SCIMP: variants seen among roughly 807,000 people sequenced by gnomAD.
SCIMP encodes the protein SLP adaptor and CSK interacting membrane protein, also known as SLP adapter and CSK-interacting membrane protein.
Under a neutral mutation model 22.0 loss-of-function variants are expected in SCIMP, and 18 were observed. The ratio of observed to expected loss-of-function variants is 0.82; its 90% confidence interval spans 0.56 to 1.21. The LOEUF (loss-of-function observed/expected upper bound fraction) is 1.21. Among genes scored for constraint, SCIMP ranks in the 50% most tolerant of loss-of-function variants. The probability of loss-of-function intolerance (pLI) is 0.00; values close to 1 mark genes in which losing one functional copy is unlikely to be tolerated. For missense variants in SCIMP, 155 were observed against 171.2 expected, an observed-to-expected ratio of 0.91 and a Z score of 0.53; for synonymous variants, 53 against 62.2, an observed-to-expected ratio of 0.85 and a Z score of 0.70.
chr17:5,219,348 C>T (rs543257203), intron 3 of SCIMP, among the ~76,000 whole-genome samples: 25 of 149,848 alleles, frequency 1.7e-4, no homozygotes, highest in East Asian at 2.0e-4. Flanking sequence ...TCTTTGAGGC[C>T]GGGCATGGTG....
At chr17:5,219,478 A>C (rs544131971) in intron 3 of SCIMP, among the ~76,000 whole-genome samples, 1 of 151,560 alleles carries the variant, frequency 6.6e-6, no homozygotes, top group South Asian at 2.1e-4. Flanking sequence ...AAATACAAAA[A>C]TTAGCTGGGC....
intron 2 of SCIMP, among the ~76,000 whole-genome samples, chr17:5,222,563 G>A (rs2074616437): frequency 6.6e-6 from 1 of 152,180 alleles, no homozygotes; most frequent in South Asian, 2.1e-4. Flanking sequence ...TTCTGGTCTA[G>A]GTAATACCAG....
At chr17:5,225,006 G>A (rs2074636247) in intron 1 of SCIMP, among the ~76,000 whole-genome samples, 3 of 152,216 alleles carry the variant, frequency 2.0e-5, no homozygotes, top group Admixed American at 6.5e-5. Context: ...TAGCAGCAGA[G>A]TGAGAGGTCA....
intron 3 of SCIMP, 191 bp downstream of exon 3, chr17:5,221,096 G>A (rs1234847330): frequency 1.4e-6 from 1 of 690,070 alleles, no homozygotes; most frequent in Admixed American, 2.1e-5. Context: ...AGAGGAGGGA[G>A]GACTTGCCCT....
intron 2 of SCIMP, 95 bp downstream of exon 2, chr17:5,223,238 A>G: frequency 7.4e-7 from 1 of 1,357,754 alleles, no homozygotes; most frequent in Non-Finnish European, 1.0e-6. Flanking sequence ...CAGCTCATTC[A>G]GGCCCAGGAT....
At chr17:5,230,474 G>C (rs1567844292) in intron 1 of SCIMP, among the ~76,000 whole-genome samples, 2 of 152,160 alleles carry the variant, frequency 1.3e-5, no homozygotes, top group Non-Finnish European at 2.9e-5. Flanking sequence ...TTGGAGTTCT[G>C]GGAGGGAAGG....
At chr17:5,213,091 T>C in intron 4 of SCIMP, 1 of 957,892 alleles carries the variant, frequency 1.0e-6, no homozygotes. Flanking sequence ...AACATTCCAG[T>C]CAAAGGAACC....
chr17:5,220,432 CAAAAA>C (rs908309110), intron 3 of SCIMP, among the ~76,000 whole-genome samples: 1 of 63,698 alleles, frequency 1.6e-5, no homozygotes, highest in Non-Finnish European at 3.2e-5. Flanking sequence ...ACCCCATCTC[CAAAAA>C]AAAAAAAAAA....
chr17:5,219,204 A>G (rs1400194446), intron 3 of SCIMP, among the ~76,000 whole-genome samples: 1 of 152,122 alleles, frequency 6.6e-6, no homozygotes, highest in Admixed American at 6.6e-5. Context: ...CTGTAATCCC[A>G]GCTATTCAGG....
intron 4 of SCIMP, 73 bp downstream of exon 4, chr17:5,214,838 TAAAAAAAAAAAAAA>T: frequency 4.4e-6 from 2 of 452,734 alleles, no homozygotes; most frequent in Non-Finnish European, 7.8e-6. Context: ...AGACTCCATC[TAAAAAAAAAAAAAA>T]AAAAAAAAAA....
intron 1 of SCIMP, among the ~76,000 whole-genome samples, chr17:5,229,806 AG>A (rs2074679822): frequency 6.6e-6 from 1 of 151,844 alleles, no homozygotes; most frequent in Non-Finnish European, 1.5e-5. Flanking sequence ...CTGGCCATCA[AG>A]GGAACAAGTT....
intron 1 of SCIMP, among the ~76,000 whole-genome samples, chr17:5,228,479 A>G (rs1218620253): frequency 6.6e-6 from 1 of 151,984 alleles, no homozygotes. Context: ...CCTTGTCTCT[A>G]CAAAAAAAAT....
Position 5,223,394 on chromosome 17 carries a change from G to A in SCIMP, c.84C>T (p.Ile28=), listed in dbSNP as rs2585271. The part of the protein sequence containing the change: ...NFWIILAVAI[I]VVSVGLGLIL... ...TGAGGCCCAGACCCACAGAGACAACGATGATGGCCACAGCTAAGATGATCC... is the reference window on the plus strand; with the variant it reads ...TGAGGCCCAGACCCACAGAGACAACAATGATGGCCACAGCTAAGATGATCC... The change falls in exon 2 of 5, where the codon ATC becomes ATT. Residue 28 remains isoleucine, a synonymous_variant. Transcript: ENST00000574081. The A allele has an allele frequency of 0.58, 928,552 of 1,611,612 alleles. 284,625 individuals are homozygous for A. The highest frequency in any genetic ancestry group is 0.64 in the Non-Finnish European group (758,961 of 1,178,684).
At chr17:5,214,901 C>T in intron 4 of SCIMP, 24 bp downstream of exon 4, 1 of 967,550 alleles carries the variant, frequency 1.0e-6, no homozygotes, top group Non-Finnish European at 1.6e-6. Context: ...CTAAATGAAA[C>T]TGCTACCAGT....
intron 1 of SCIMP, among the ~76,000 whole-genome samples, chr17:5,231,069 T>C (rs2074690097): frequency 6.6e-6 from 1 of 151,452 alleles, no homozygotes; most frequent in Non-Finnish European, 1.5e-5. Context: ...GTTTAAGTTG[T>C]TTTTCAAGGG....
At chr17:5,225,379 T>G (rs751303219) in intron 1 of SCIMP, among the ~76,000 whole-genome samples, 5 of 152,042 alleles carry the variant, frequency 3.3e-5, no homozygotes, top group Non-Finnish European at 7.4e-5. Context: ...GCGGGAGAAT[T>G]GCTTAAAGCC....
intron 1 of SCIMP, among the ~76,000 whole-genome samples, chr17:5,233,422 G>C (rs9890159): frequency 0.015 from 2,258 of 152,232 alleles, 46 homozygotes; most frequent in African/African-American, 0.051. Context: ...CACCAGGCTG[G>C]AGTGCAGTGA....
chr17:5,221,726 G>T (rs754138920), intron 2 of SCIMP, among the ~76,000 whole-genome samples: 1 of 152,194 alleles, frequency 6.6e-6, no homozygotes, highest in Non-Finnish European at 1.5e-5. Flanking sequence ...AAGAAAGTAG[G>T]TGAAGTTTTA....
intron 1 of SCIMP, among the ~76,000 whole-genome samples, chr17:5,229,559 A>G (rs1453594201): frequency 6.6e-6 from 1 of 151,414 alleles, no homozygotes; most frequent in Non-Finnish European, 1.5e-5. Context: ...ATGCCCGGCT[A>G]ATTTTTATAT....
Sources: gnomAD v4.1 joint callset for allele counts (sites outside exome capture counted in the v4.1 genomes callset) on GRCh38, gnomAD v4.1.1 for gene constraint, MANE v1.5 for transcripts, NCBI Gene and HGNC (gene_info 2026-07-23, HGNC 2026-07-21) for gene names.